Variants in FAM124A observed in about 807,000 individuals in gnomAD.
FAM124A encodes family with sequence similarity 124 member A.
FAM124A carries 23 observed loss-of-function variants against 24.5 expected under a neutral mutation model. That is an observed-to-expected ratio of 0.94 (90% CI 0.68 to 1.33). The LOEUF (loss-of-function observed/expected upper bound fraction) is 1.33. Among genes scored for constraint, FAM124A ranks in the 40% most tolerant of loss-of-function variants. The probability of loss-of-function intolerance (pLI) is 0.00; values close to 1 mark genes in which losing one functional copy is unlikely to be tolerated. For missense variants in FAM124A, 623 were observed against 722.8 expected, an observed-to-expected ratio of 0.86 and a Z score of 1.58; for synonymous variants, 287 against 314.7, an observed-to-expected ratio of 0.91 and a Z score of 0.93.
chr13:51,244,470 G>A (rs541041330), intron 2 of FAM124A, among the ~76,000 whole-genome samples: 1 of 152,308 alleles, frequency 6.6e-6, no homozygotes, highest in Non-Finnish European at 1.5e-5. Flanking sequence ...GACAAATTGT[G>A]TCTAAAGTGA....
rs141989241 is a variant in FAM124A, at chr13:51,258,626, C to T, written c.834+6425C>T. ...GCTTCAAAACTCATCCAGGGCAGCA[C>T]GTGGCATGGGCTTCAGAGTCTCAAC... On this transcript the variant is annotated intron_variant, in intron 3 of 3. Transcript: ENST00000322475. This position sits in a 1 kb window ranked among gnomAD's most constrained non-coding sequence, Gnocchi z 4.2. Among the ~76,000 whole-genome samples, 4 of 152,304 alleles carry T rather than the reference C, an allele frequency of 2.6e-5. No homozygotes were observed. The highest frequency in any genetic ancestry group is 7.2e-5 in the African/African-American group (3 of 41,546).
At chr13:51,245,725 A>C (rs894320637) in intron 2 of FAM124A, among the ~76,000 whole-genome samples, 1 of 152,234 alleles carries the variant, frequency 6.6e-6, no homozygotes, top group East Asian at 1.9e-4. Context: ...AATGGTCTTG[A>C]GCAGGTCAGT....
chr13:51,257,677 C>G (rs1188884864), intron 3 of FAM124A, among the ~76,000 whole-genome samples: 1 of 152,142 alleles, frequency 6.6e-6, no homozygotes, highest in Non-Finnish European at 1.5e-5. Flanking sequence ...CCTACATTGG[C>G]CTGTTTTCTG....
At chr13:51,270,970 T>C (rs1452674697) in intron 3 of FAM124A, among the ~76,000 whole-genome samples, 1 of 152,216 alleles carries the variant, frequency 6.6e-6, no homozygotes, top group Non-Finnish European at 1.5e-5. Context: ...AAAAGCAAGT[T>C]TTGTTATTTA....
In FAM124A at chr13:51,258,856, G is replaced by C. The variant is rs1048723342; in HGVS notation, c.834+6655G>C. Among the ~76,000 whole-genome samples the C allele has an allele frequency of 6.6e-6, 1 of 152,218 alleles. No homozygotes were observed. The highest frequency in any genetic ancestry group is 1.5e-5 in the Non-Finnish European group (1 of 68,028). ...ACACACAGGTGGATGGGTTCACGTG[G>C]CCGGGGTAGGAAGATGCCACGAGAG... is the stretch of plus-strand genomic sequence containing the variant. On this transcript the variant is annotated intron_variant, in intron 3 of 3. Coordinates refer to ENST00000322475, the MANE Select transcript of FAM124A (RefSeq NM_001242312.2). The surrounding 1 kb of genome is among the most constrained non-coding windows in gnomAD (Gnocchi z 4.2).
At chr13:51,222,700 C>T (rs892442891) in intron 1 of FAM124A, 131 bp downstream of exon 1, 8 of 946,238 alleles carry the variant, frequency 8.5e-6, no homozygotes, top group Middle Eastern at 4.0e-4. Flanking sequence ...TGCCGGATCC[C>T]CCGCTCTCTC....
At chr13:51,236,301 C>G (rs1053694003) in intron 2 of FAM124A, among the ~76,000 whole-genome samples, 8 of 152,248 alleles carry the variant, frequency 5.3e-5, no homozygotes, top group Non-Finnish European at 7.3e-5. Context: ...CTTCGCTTCT[C>G]TGTCTGGGAA....
chr13:51,245,926 A>G (rs1954552803), intron 2 of FAM124A, among the ~76,000 whole-genome samples: 3 of 152,338 alleles, frequency 2.0e-5, no homozygotes, highest in Middle Eastern at 3.4e-3. Flanking sequence ...TGGAAAAAAT[A>G]TATATATAAC....
At chr13:51,240,931 G>A (rs1017591761) in intron 2 of FAM124A, among the ~76,000 whole-genome samples, 5 of 152,096 alleles carry the variant, frequency 3.3e-5, no homozygotes, top group African/African-American at 9.7e-5. Flanking sequence ...CCTTCCAGTC[G>A]TCTTCCTCCC....
At chr13:51,243,190 C>T (rs946406592) in intron 2 of FAM124A, among the ~76,000 whole-genome samples, 3 of 152,312 alleles carry the variant, frequency 2.0e-5, no homozygotes, top group Non-Finnish European at 4.4e-5. Flanking sequence ...TGCAGGCCAA[C>T]AGGCCTTGTC....
Position 51,251,546 on chromosome 13 carries a change from C to T in FAM124A, c.179C>T (p.Pro60Leu). Reference sequence around the variant, plus strand: ...ATCGCAGACCCAGGGGAGTCCCAGCCCCTGCAGGAGGCCATCGACAACGTC... The same window carrying T: ...ATCGCAGACCCAGGGGAGTCCCAGCTCCTGCAGGAGGCCATCGACAACGTC... ...HIIADPGESQ[P>L]LQEAIDNVLA... Residue 60 changes from proline (P) to leucine (L), a missense_variant, in exon 3 of 4, where the codon CCC (proline) becomes CTC (leucine). By Grantham distance (98) the Pro-to-Leu change is moderately conservative. Coordinates refer to ENST00000322475, the MANE Select transcript of FAM124A (RefSeq NM_001242312.2). This position sits in a 1 kb window ranked among gnomAD's most constrained non-coding sequence, Gnocchi z 5.3. The T allele has an allele frequency of 1.3e-6, 2 of 1,527,888 alleles. No homozygotes were observed. Among genetic ancestry groups the T allele is most frequent in the Non-Finnish European group, 8.8e-7 (1 of 1,136,292 alleles). 94.6% of individuals were successfully genotyped at this position (1,527,888 alleles called of 1,614,324 possible).
chr13:51,263,189 C>T (rs1954754141), intron 3 of FAM124A, among the ~76,000 whole-genome samples: 1 of 151,984 alleles, frequency 6.6e-6, no homozygotes, highest in Non-Finnish European at 1.5e-5. Flanking sequence ...CCCACAGGGG[C>T]TCCGTCCATC....
At position 51,252,200 on chromosome 13, in the gene FAM124A, A is replaced by G. The variant is rs1954632704; in HGVS notation, c.833A>G (p.Gln278Arg). 1.9e-6 allele frequency: 3 copies of G among 1,612,338 alleles called. No individual in the cohort carries two copies. Among genetic ancestry groups the G allele is most frequent in the Admixed American group, 1.7e-5 (1 of 59,982 alleles). The change falls in exon 3 of 4, where the codon CAG (glutamine) becomes CGG (arginine). Residue 278 changes from glutamine (Q) to arginine (R), a missense_variant and splice_region_variant. By Grantham distance (43) the Gln-to-Arg change is conservative. Transcript: ENST00000322475. ...CATGATGGGAACAAGATCCTCCTAC[A>G]GGTACTGGGGGGACGCCTGTCTGTC... ...EDHDGNKILL[Q>R]AQRVHKKFPK...
intron 3 of FAM124A, among the ~76,000 whole-genome samples, chr13:51,257,188 CAT>C (rs1566170217): frequency 6.6e-6 from 1 of 152,140 alleles, no homozygotes; most frequent in Admixed American, 6.5e-5. Context: ...AGTTCTTTTG[CAT>C]GTATACCCAG....
At chr13:51,249,217 A>G (rs954233178) in intron 2 of FAM124A, among the ~76,000 whole-genome samples, 2 of 152,186 alleles carry the variant, frequency 1.3e-5, no homozygotes, top group Non-Finnish European at 2.9e-5. Context: ...GACCCAGTTC[A>G]TTTGGTGCCT....
chr13:51,280,605 C>A lies in FAM124A; in HGVS notation c.990C>A (p.Pro330=), dbSNP rs374715779. The A allele has an allele frequency of 6.6e-5, 107 of 1,614,094 alleles. No individual in the cohort carries two copies. Among genetic ancestry groups the A allele is most frequent in the Non-Finnish European group, 8.6e-5 (101 of 1,180,052 alleles). ...CGCTCAACAGTCCTCACCCGGGGCC[C>A]ATCCGGACAGGCCTGCCTCCTGGGC... is the stretch of plus-strand genomic sequence containing the variant. ...QSPLNSPHPG[P]IRTGLPPGHQ... The change falls in exon 4 of 4, where the codon CCC becomes CCA. Residue 330 remains proline (P), a synonymous_variant. Transcript: ENST00000322475.
chr13:51,261,552 A>G (rs1296937180), intron 3 of FAM124A, among the ~76,000 whole-genome samples: 5 of 121,578 alleles, frequency 4.1e-5, no homozygotes, highest in Non-Finnish European at 8.4e-5. Context: ...GGAAAAAAGA[A>G]GTGAACTATG....
rs2137721664 is a variant in FAM124A, at chr13:51,283,727, A to G, written c.*2471A>G. ...AGAGGTGATGATACCACCTCCAATGAACAGGGAAGCAAGTTCATCAGTAAC... is the reference window on the plus strand; with the variant it reads ...AGAGGTGATGATACCACCTCCAATGGACAGGGAAGCAAGTTCATCAGTAAC... On this transcript the variant is annotated 3_prime_UTR_variant, in exon 4 of 4. Coordinates refer to ENST00000322475, the MANE Select transcript of FAM124A (RefSeq NM_001242312.2). 6.7e-6 allele frequency: 1 copy of G among 148,302 alleles called. No individual in the cohort carries two copies. Among genetic ancestry groups the G allele is most frequent in the East Asian group, 2.0e-4 (1 of 5,038 alleles). 9.2% of individuals were successfully genotyped at this position (148,302 alleles called of 1,614,324 possible).
intron 2 of FAM124A, among the ~76,000 whole-genome samples, chr13:51,233,179 G>A (rs1043578839): frequency 3.9e-5 from 6 of 151,972 alleles, no homozygotes; most frequent in Admixed American, 2.0e-4. Flanking sequence ...AAAAGTCCAC[G>A]GAGGCAGTGC....
Sources: gnomAD v4.1 joint callset for allele counts (sites outside exome capture counted in the v4.1 genomes callset) on GRCh38, gnomAD v4.1.1 for gene constraint, Gnocchi (gnomAD v3.1) non-coding constraint, MANE v1.5 for transcripts, NCBI Gene and HGNC (gene_info 2026-07-23, HGNC 2026-07-21) for gene names.